CAPRIN2: variants seen among roughly 807,000 people sequenced by gnomAD.
The protein encoded by CAPRIN2 is caprin-2.
CAPRIN2 carries 66 observed loss-of-function variants against 130.4 expected under a neutral mutation model. That is an observed-to-expected ratio of 0.51 (90% CI 0.42 to 0.62). The LOEUF (loss-of-function observed/expected upper bound fraction) is 0.62. Ranked by LOEUF, CAPRIN2 falls within the 20% of genes least tolerant of loss-of-function variation. The probability of loss-of-function intolerance (pLI) is 0.00; values close to 1 mark genes in which losing one functional copy is unlikely to be tolerated. For missense variants in CAPRIN2, 1,185 were observed against 1,246.6 expected (o/e 0.95, Z 0.74); for synonymous variants, 471 against 444.1 (o/e 1.06, Z -0.76).
chr12:30,728,426 G>A (rs1393021949), intron 8 of CAPRIN2: 3 of 452,282 alleles, frequency 6.6e-6, no homozygotes, highest in Non-Finnish European at 3.9e-6. Context: ...GTGGTGGCAT[G>A]CGCCTGTAGT....
At position 30,710,080 on chromosome 12, in the gene CAPRIN2, T is replaced by C; in HGVS notation, c.3056A>G (p.Glu1019Gly). ...ATTGGCATAGGCTGATACCAAGACCTCTTCATTCTTCATGAGGTTGACATA... is the reference window on the plus strand; with the variant it reads ...ATTGGCATAGGCTGATACCAAGACCCCTTCATTCTTCATGAGGTTGACATA... Residue 1019 changes from glutamate (E) to glycine (G), a missense_variant, in exon 17 of 17, where the codon GAG becomes GGG. Physicochemically the swap from Glu to Gly is moderately conservative, Grantham distance 98 (BLOSUM62 -2). This residue lies in a region of CAPRIN2 where 81 missense variants were observed against 142.2 expected (regional missense o/e 0.57). Coordinates refer to ENST00000298892, the Ensembl canonical transcript of CAPRIN2. The surrounding 1 kb of genome is among the most constrained non-coding windows in gnomAD (Gnocchi z 4.8). 6.2e-7 allele frequency: 1 copy of C among 1,614,130 alleles called. No individual in the cohort carries two copies. Among genetic ancestry groups the C allele is most frequent in the Middle Eastern group, 1.6e-4 (1 of 6,062 alleles).
intron 8 of CAPRIN2, among the ~76,000 whole-genome samples, chr12:30,727,804 T>A (rs2061379690): frequency 6.6e-6 from 1 of 152,200 alleles, no homozygotes; most frequent in African/African-American, 2.4e-5. Context: ...CATTTTGAAA[T>A]GGAAATAGAG....
intron 4 of CAPRIN2, 45 bp downstream of exon 5, chr12:30,734,923 A>T: frequency 7.7e-7 from 1 of 1,297,014 alleles, no homozygotes; most frequent in Admixed American, 1.7e-5. Flanking sequence ...TAAAAAGCTA[A>T]AGTGTCAAGT....
chr12:30,741,556 A>G lies in CAPRIN2; in HGVS notation c.484-450T>C, dbSNP rs180736016. Among the ~76,000 whole-genome samples, 46 of 152,296 alleles carry G rather than the reference A, an allele frequency of 3.0e-4. 1 individual carries two copies. In the East Asian group the frequency reaches 8.7e-3, roughly 29 times the overall value. On this transcript the variant is annotated intron_variant, in intron 2 of 16. Coordinates refer to ENST00000298892, the Ensembl canonical transcript of CAPRIN2. ...ATAATTACCTGTAACAGACAAAAAT[A>G]AATATTATAACAAACAATATGCAAT...
intron 1 of CAPRIN2, among the ~76,000 whole-genome samples, chr12:30,752,293 A>G (rs1253897950): frequency 6.6e-6 from 1 of 152,118 alleles, no homozygotes; most frequent in Non-Finnish European, 1.5e-5. Flanking sequence ...TCTTTCCCAG[A>G]AGGTTGAAAC....
At chr12:30,744,453 C>T (rs2068951129) in intron 2 of CAPRIN2, among the ~76,000 whole-genome samples, 1 of 152,132 alleles carries the variant, frequency 6.6e-6, no homozygotes, top group South Asian at 2.1e-4. Context: ...ACCTTCTTTA[C>T]AGTTTTTGAA....
In CAPRIN2 at chr12:30,715,087, TA is replaced by T; in HGVS notation, c.2371del (p.Tyr791ThrfsTer31). 1 of 1,614,028 alleles carries T rather than the reference TA, an allele frequency of 6.2e-7. No individual in the cohort carries two copies. The highest frequency in any genetic ancestry group is 8.5e-7 in the Non-Finnish European group (1 of 1,179,906). On this transcript the variant is annotated frameshift_variant, in exon 14 of 17. Coordinates refer to ENST00000298892, the Ensembl canonical transcript of CAPRIN2. LOFTEE classifies it high-confidence loss of function. Reference sequence around the variant, plus strand: ...GGGAAACACATTCGTCTGTGCTGGGTAAAAGGCAAGGCTACCATTGCTTACT... The same window carrying T: ...GGGAAACACATTCGTCTGTGCTGGGTAAAGGCAAGGCTACCATTGCTTACT...
In CAPRIN2 at chr12:30,753,701, T is replaced by TAA. The variant is rs1384024869; in HGVS notation, c.61_62dup (p.Leu21PhefsTer2). 1.2e-6 allele frequency: 2 copies of TAA among 1,613,942 alleles called. No homozygotes were observed. Among genetic ancestry groups the TAA allele is most frequent in the African/African-American group, 1.3e-5 (1 of 74,916 alleles). ...CCCTGGAAAGTCTAGACCACTCCCT[T>TAA]AAACTCTTTTCCACAGAAGTGAGCT... On this transcript the variant is annotated frameshift_variant, in exon 1 of 17. Coordinates refer to ENST00000298892, the Ensembl canonical transcript of CAPRIN2. LOFTEE classifies it high-confidence loss of function.
rs764732247 is a variant in CAPRIN2, at chr12:30,730,288, A to G, written c.1061-6T>C. ...GGCAAATTCCATTAGAGACTCTGGG[A>G]TGATAAAAAGAATCTGAATAAATAC... On this transcript the variant is annotated splice_polypyrimidine_tract_variant and splice_region_variant and intron_variant, in intron 6 of 16. Coordinates refer to ENST00000298892, the Ensembl canonical transcript of CAPRIN2. The G allele has an allele frequency of 2.5e-6, 4 of 1,602,850 alleles. No individual in the cohort carries two copies. In the East Asian group the frequency reaches 8.9e-5, roughly 36 times the overall value.
chr12:30,711,622 A>C (rs1232864453), exon 16 of CAPRIN2: 2 of 1,612,964 alleles, frequency 1.2e-6, no homozygotes, highest in Non-Finnish European at 1.7e-6. Flanking sequence ...ACACTGCTGG[A>C]AATTATCCTA....
chr12:30,728,846 T>A lies in CAPRIN2; in HGVS notation c.1584A>T (p.Ser528=), dbSNP rs770335196. 8 of 1,614,018 alleles carry A rather than the reference T, an allele frequency of 5.0e-6. No homozygotes were observed. The African/African-American group carries it at 6.7e-5, about 13-fold the overall frequency. ...GTTCTTCACACATGGGAGTGGTCCATGACTTGGTGGTGTTCTGTTCGCTCT... is the reference window on the plus strand; with the variant it reads ...GTTCTTCACACATGGGAGTGGTCCAAGACTTGGTGGTGTTCTGTTCGCTCT... The change falls in exon 8 of 17, where the codon TCA becomes TCT. Residue 528 remains serine, a synonymous_variant. Coordinates refer to ENST00000298892, the Ensembl canonical transcript of CAPRIN2.
intron 15 of CAPRIN2, chr12:30,711,889 A>T: frequency 1.7e-6 from 1 of 597,582 alleles, no homozygotes; most frequent in Non-Finnish European, 3.1e-6. Context: ...GCACTTGGAG[A>T]ATACTATGTA....
At chr12:30,723,295 C>T (rs1422600670) in exon 11 of CAPRIN2, 1 of 1,612,228 alleles carries the variant, frequency 6.2e-7, no homozygotes, top group Admixed American at 1.7e-5. Context: ...TTTGACTGGA[C>T]AGATTTTGTT....
At chr12:30,720,273 G>A (rs1234311260) in intron 12 of CAPRIN2, 1 of 152,438 alleles carries the variant, frequency 6.6e-6, no homozygotes, top group South Asian at 2.1e-4. Flanking sequence ...TAGTAGAGAT[G>A]GGGCTTCACC....
chr12:30,712,006 C>G (rs1433714278), intron 15 of CAPRIN2, among the ~76,000 whole-genome samples: 1 of 152,162 alleles, frequency 6.6e-6, no homozygotes, highest in Admixed American at 6.5e-5. Context: ...AGACTTTTCT[C>G]AACCTTGCTC....
chr12:30,713,638 CA>C (rs1312222762), intron 15 of CAPRIN2, 146 bp downstream of exon 17: 1 of 489,312 alleles, frequency 2.0e-6, no homozygotes, highest in African/African-American at 1.9e-5. Flanking sequence ...ACTTCCAACT[CA>C]ACTCTTCTCC....
chr12:30,729,109 G>T, exon 8 of CAPRIN2: 8 of 1,614,052 alleles, frequency 5.0e-6, no homozygotes, highest in Non-Finnish European at 6.8e-6. Context: ...TGTTTCCTCT[G>T]TTCTAAGGAA....
intron 6 of CAPRIN2, 37 bp from the exon 8 acceptor site, chr12:30,730,319 G>A: frequency 6.9e-7 from 1 of 1,447,202 alleles, no homozygotes; most frequent in Non-Finnish European, 9.7e-7. Flanking sequence ...AATACTAGGT[G>A]AACTGTAAGT....
intron 4 of CAPRIN2, among the ~76,000 whole-genome samples, chr12:30,734,665 TA>T (rs2063860933): frequency 6.6e-6 from 1 of 152,154 alleles, no homozygotes; most frequent in Non-Finnish European, 1.5e-5. Context: ...TGTACAGGAT[TA>T]AAATTTGATG....
Sources: allele counts gnomAD v4.1 joint callset (sites outside exome capture counted in the v4.1 genomes callset), GRCh38; gene constraint gnomAD v4.1.1; regional missense constraint gnomAD v4.1.1; non-coding constraint Gnocchi (gnomAD v3.1); transcripts MANE v1.5; gene names NCBI Gene and HGNC (gene_info 2026-07-23, HGNC 2026-07-21).